Variants in REEP5 observed in about 807,000 individuals in gnomAD.
REEP5 encodes the protein receptor expression-enhancing protein 5.
A neutral mutation model predicts 22.4 loss-of-function variants in REEP5; 24 were observed. The observed-to-expected ratio is 1.07, with a 90% CI of 0.78 to 1.51. The LOEUF (loss-of-function observed/expected upper bound fraction) is 1.51, where lower values mean the gene tolerates loss of function less well. REEP5 is among the 40% of genes most tolerant of loss of function. The pLI, the probability that REEP5 is intolerant of heterozygous loss-of-function variation, is 0.00. For synonymous variants in REEP5, 103 were observed against 88.6 expected, an observed-to-expected ratio of 1.16 and a Z score of -0.92; for missense variants, 252 against 233.0, an observed-to-expected ratio of 1.08 and a Z score of -0.53.
intron 4 of REEP5, among the ~76,000 whole-genome samples, chr5:112,886,625 A>C (rs1223195651): frequency 3.9e-5 from 6 of 152,204 alleles, no homozygotes; most frequent in African/African-American, 1.4e-4. Context: ...TTTTCCTGCT[A>C]GTATAGCTTT....
At chr5:112,890,862 C>T (rs1768417683) in intron 3 of REEP5, among the ~76,000 whole-genome samples, 1 of 150,542 alleles carries the variant, frequency 6.6e-6, no homozygotes, top group African/African-American at 2.5e-5. Context: ...CTGGTTTTTC[C>T]TCTATAAAAT....
chr5:112,915,589 GTAAAT>G (rs1248594255), intron 2 of REEP5, among the ~76,000 whole-genome samples: 1 of 152,184 alleles, frequency 6.6e-6, no homozygotes, highest in East Asian at 1.9e-4. Context: ...TTTAAATTAA[GTAAAT>G]TAAAGATTTA....
intron 2 of REEP5, among the ~76,000 whole-genome samples, chr5:112,917,353 T>C (rs1390820412): frequency 1.3e-5 from 2 of 152,228 alleles, no homozygotes; most frequent in Middle Eastern, 3.2e-3. Context: ...TGTCCCTGAA[T>C]TGTCATTTTA....
At position 112,921,385 on chromosome 5, in the gene REEP5, AAAAC is replaced by A. The variant is rs1464817112; in HGVS notation, c.119-133_119-130del. ...TCTCGACTCGATTAAAGGAGCGAGA[AAAAC>A]AAACCACACGAAAGCTGGGCCTGCG... On this transcript the variant is annotated intron_variant, in intron 1 of 4. Transcript: ENST00000379638. 9.4e-6 allele frequency: 8 copies of A among 848,942 alleles called. No individual in the cohort carries two copies. The African/African-American group carries it at 1.0e-4, about 11-fold the overall frequency. The allele number at this position is 848,942 out of a possible 1,614,324, so 52.6% of individuals were successfully genotyped here.
intron 2 of REEP5, among the ~76,000 whole-genome samples, chr5:112,910,352 T>C (rs1769069140): frequency 6.6e-6 from 1 of 152,098 alleles, no homozygotes; most frequent in African/African-American, 2.4e-5. Context: ...ATGCTGATGG[T>C]AGAGGAGGCT....
At chr5:112,888,454 G>A (rs1438865737) in intron 3 of REEP5, among the ~76,000 whole-genome samples, 3 of 152,122 alleles carry the variant, frequency 2.0e-5, no homozygotes, top group Non-Finnish European at 4.4e-5. Context: ...TGAGAGTCTT[G>A]CTCTGTCACC....
At chr5:112,880,804 A>C (rs888688691) in intron 4 of REEP5, among the ~76,000 whole-genome samples, 5 of 152,208 alleles carry the variant, frequency 3.3e-5, no homozygotes, top group Non-Finnish European at 5.9e-5. Flanking sequence ...GGCTAAGGGA[A>C]GGGAGAAGAA....
At chr5:112,893,760 G>T (rs1481941477) in intron 3 of REEP5, 1 of 152,242 alleles carries the variant, frequency 6.6e-6, no homozygotes, top group African/African-American at 2.4e-5. Context: ...GGTAGACTAA[G>T]ACCTTCTGTT....
chr5:112,879,281 C>A (rs1046557229), intron 4 of REEP5, among the ~76,000 whole-genome samples: 1 of 139,950 alleles, frequency 7.1e-6, no homozygotes, highest in South Asian at 2.2e-4. Flanking sequence ...GAGAAGTCCT[C>A]ATTCCCAGCA....
intron 4 of REEP5, among the ~76,000 whole-genome samples, 174 bp downstream of exon 4, chr5:112,886,840 AG>A (rs1229924025): frequency 6.6e-6 from 1 of 152,252 alleles, no homozygotes; most frequent in Non-Finnish European, 1.5e-5. Context: ...TCTTGGGAAA[AG>A]TCGAGAACTG....
At chr5:112,897,558 TA>T (rs1185501769) in intron 3 of REEP5, 5 of 152,356 alleles carry the variant, frequency 3.3e-5, no homozygotes, top group African/African-American at 1.2e-4. Context: ...AATTTATTTT[TA>T]AACCCTCTTG....
At chr5:112,889,545 T>C (rs1768367554) in intron 3 of REEP5, among the ~76,000 whole-genome samples, 2 of 150,832 alleles carry the variant, frequency 1.3e-5, no homozygotes, top group African/African-American at 4.9e-5. Context: ...ACTTTGCATA[T>C]GTTTGCAATA....
chr5:112,921,088 G>A (rs1347867207), intron 2 of REEP5, 75 bp downstream of exon 2: 19 of 1,391,012 alleles, frequency 1.4e-5, no homozygotes, highest in Non-Finnish European at 1.6e-5. Flanking sequence ...AATTGCGGAT[G>A]TGCAGTCTAC....
intron 2 of REEP5, 81 bp downstream of exon 2, chr5:112,921,082 G>A (rs377580681): frequency 7.5e-7 from 1 of 1,341,510 alleles, no homozygotes; most frequent in Non-Finnish European, 1.1e-6. Flanking sequence ...CCCGGGAATT[G>A]CGGATGTGCA....
intron 4 of REEP5, chr5:112,885,676 A>C (rs1456312320): frequency 3.2e-6 from 1 of 309,084 alleles, no homozygotes; most frequent in Non-Finnish European, 6.6e-6. Context: ...AGAAGGACCC[A>C]ATTCCTAACC....
In REEP5 at chr5:112,888,421, C is replaced by A. The variant is rs542150395; in HGVS notation, c.352-1238G>T. ...TAAAAAACAAAACCCAAGTTCTCAA[C>A]AATATCTCCAGATTATTCTTTCTGA... On this transcript the variant is annotated intron_variant, in intron 3 of 4. Transcript: ENST00000379638. Among the ~76,000 whole-genome samples the A allele has an allele frequency of 1.7e-3, 258 of 152,294 alleles. 2 individuals are homozygous for A. The highest frequency in any genetic ancestry group is 0.015 in the South Asian group (70 of 4,820).
At chr5:112,921,075 G>C in intron 2 of REEP5, 88 bp downstream of exon 2, 1 of 1,294,492 alleles carries the variant, frequency 7.7e-7, no homozygotes, top group Non-Finnish European at 1.1e-6. Flanking sequence ...CTTTTCTCCC[G>C]GGAATTGCGG....
At chr5:112,917,808 C>A (rs2150048861) in intron 2 of REEP5, among the ~76,000 whole-genome samples, 1 of 152,280 alleles carries the variant, frequency 6.6e-6, no homozygotes, top group Non-Finnish European at 1.5e-5. Flanking sequence ...TAGGCAAACT[C>A]ATAGAAACAG....
At chr5:112,920,115 T>C (rs902770895) in intron 2 of REEP5, among the ~76,000 whole-genome samples, 1 of 152,212 alleles carries the variant, frequency 6.6e-6, no homozygotes, top group African/African-American at 2.4e-5. Flanking sequence ...GTAGCTAGAC[T>C]TTCTGGAGTA....
Sources: allele counts gnomAD v4.1 joint callset (sites outside exome capture counted in the v4.1 genomes callset), GRCh38; gene constraint gnomAD v4.1.1; transcripts MANE v1.5; gene names NCBI Gene and HGNC (gene_info 2026-07-23, HGNC 2026-07-21).